SOX6: variants seen among roughly 807,000 people sequenced by gnomAD.
SOX6 encodes the protein transcription factor SOX-6.
A neutral mutation model predicts 97.8 loss-of-function variants in SOX6; 11 were observed. The ratio of observed to expected loss-of-function variants is 0.11; its 90% confidence interval spans 0.07 to 0.19. SOX6 has a LOEUF of 0.19. SOX6 is among the 10% of genes least tolerant of loss of function. The pLI is 1.00. For missense variants in SOX6, 810 were observed against 1,039.5 expected (o/e 0.78, Z 3.04); for synonymous variants, 360 against 371.4 (o/e 0.97, Z 0.35).
intron 1 of SOX6, among the ~76,000 whole-genome samples, chr11:16,471,606 C>A (rs1860143921): frequency 6.6e-6 from 1 of 152,152 alleles, no homozygotes; most frequent in South Asian, 2.1e-4. Flanking sequence ...TGTTCTTAGG[C>A]CTGACTAGAC....
intron 3 of SOX6, among the ~76,000 whole-genome samples, chr11:16,261,147 T>C (rs1229500711): frequency 6.6e-6 from 1 of 152,176 alleles, no homozygotes; most frequent in Non-Finnish European, 1.5e-5. Flanking sequence ...TAATTTACCA[T>C]CAATCTTCTC....
At chr11:16,078,279 C>T (rs552023386) in intron 9 of SOX6, among the ~76,000 whole-genome samples, 2 of 152,186 alleles carry the variant, frequency 1.3e-5, no homozygotes, top group South Asian at 4.2e-4. Context: ...AAAGCTTCAG[C>T]TCATCAGGTA....
intron 4 of SOX6, among the ~76,000 whole-genome samples, chr11:16,549,471 A>C (rs1355615991): frequency 6.6e-6 from 1 of 152,180 alleles, no homozygotes; most frequent in Admixed American, 6.5e-5. Flanking sequence ...AAGTGCTGGT[A>C]ATGGTATAGC....
At chr11:16,077,434 T>A (rs1848381813) in intron 9 of SOX6, among the ~76,000 whole-genome samples, 1 of 152,182 alleles carries the variant, frequency 6.6e-6, no homozygotes, top group South Asian at 2.1e-4. Flanking sequence ...AAAAGTACCA[T>A]TTGACCCAGC....
chr11:16,256,474 G>T (rs1853689555), intron 3 of SOX6, among the ~76,000 whole-genome samples: 1 of 151,782 alleles, frequency 6.6e-6, no homozygotes, highest in East Asian at 1.9e-4. Context: ...TATTGATCCA[G>T]AAAAACATTT....
chr11:16,549,534 C>T (rs1041461592), intron 4 of SOX6, among the ~76,000 whole-genome samples: 2 of 152,206 alleles, frequency 1.3e-5, no homozygotes, highest in Non-Finnish European at 2.9e-5. Flanking sequence ...ATTGTGGAAA[C>T]TTCTTTGGCA....
At chr11:16,024,234 C>T (rs182526234) in intron 12 of SOX6, among the ~76,000 whole-genome samples, 237 of 152,154 alleles carry the variant, frequency 1.6e-3, no homozygotes, top group African/African-American at 5.5e-3. Flanking sequence ...CCTGCTAACA[C>T]CTTGATCTTG....
chr11:16,417,935 T>C (rs1590195525), intron 1 of SOX6, among the ~76,000 whole-genome samples: 1 of 152,236 alleles, frequency 6.6e-6, no homozygotes, highest in East Asian at 1.9e-4. Flanking sequence ...TAAGCCATTT[T>C]GAAATATTTA....
At chr11:16,008,812 T>A (rs1000611432) in intron 13 of SOX6, among the ~76,000 whole-genome samples, 1 of 152,086 alleles carries the variant, frequency 6.6e-6, no homozygotes, top group African/African-American at 2.4e-5. Flanking sequence ...ATATCCACAG[T>A]AAAATACAGT....
At chr11:16,392,378 TG>T (rs1858211924) in intron 1 of SOX6, among the ~76,000 whole-genome samples, 1 of 152,160 alleles carries the variant, frequency 6.6e-6, no homozygotes. Context: ...AGAATGTATT[TG>T]TGTCTTACTT....
intron 4 of SOX6, among the ~76,000 whole-genome samples, chr11:16,527,462 G>A (rs774336399): frequency 3.9e-5 from 6 of 152,050 alleles, no homozygotes; most frequent in Non-Finnish European, 8.8e-5. Flanking sequence ...TGCTGAAGAG[G>A]GAAGGAATCT....
intron 3 of SOX6, among the ~76,000 whole-genome samples, chr11:16,261,552 C>T (rs186461607): frequency 5.7e-4 from 86 of 151,970 alleles, no homozygotes; most frequent in Admixed American, 3.8e-3. Context: ...CCCACCCACC[C>T]CACCAGGAAA....
intron 1 of SOX6, among the ~76,000 whole-genome samples, chr11:16,387,436 C>T (rs1420237561): frequency 6.6e-6 from 1 of 151,786 alleles, no homozygotes; most frequent in Non-Finnish European, 1.5e-5. Context: ...CAGCTCAAAC[C>T]ATTGAAAAAT....
chr11:16,693,485 C>CT (rs1848031168), intron 3 of SOX6, among the ~76,000 whole-genome samples: 1 of 152,012 alleles, frequency 6.6e-6, no homozygotes, highest in African/African-American at 2.4e-5. Context: ...AATTCTCTAT[C>CT]ATATCAGTTG....
At chr11:16,529,043 T>C (rs931601855) in intron 4 of SOX6, among the ~76,000 whole-genome samples, 2 of 152,100 alleles carry the variant, frequency 1.3e-5, no homozygotes, top group African/African-American at 4.8e-5. Flanking sequence ...ACATTTTTTA[T>C]CTGAGTCACA....
chr11:16,033,802 G>A (rs891385541), intron 12 of SOX6, among the ~76,000 whole-genome samples: 1 of 152,152 alleles, frequency 6.6e-6, no homozygotes, highest in Non-Finnish European at 1.5e-5. Context: ...AACCTAGGAG[G>A]TGGAGGTTGT....
At chr11:16,677,337 A>G (rs1847891527) in intron 3 of SOX6, among the ~76,000 whole-genome samples, 1 of 152,122 alleles carries the variant, frequency 6.6e-6, no homozygotes, top group African/African-American at 2.4e-5. Context: ...AGTGTTACAA[A>G]GTTATTTTAC....
At chr11:16,253,216 G>A (rs1268144430) in intron 3 of SOX6, among the ~76,000 whole-genome samples, 1 of 151,982 alleles carries the variant, frequency 6.6e-6, no homozygotes, top group African/African-American at 2.4e-5. Context: ...GGGCATGGTG[G>A]TGCATGCCTA....
At chr11:16,233,352 A>AGCAAGAGT (rs1170267121) in intron 4 of SOX6, among the ~76,000 whole-genome samples, 2 of 152,262 alleles carry the variant, frequency 1.3e-5, no homozygotes, top group Non-Finnish European at 2.9e-5. Context: ...TAAATGAATC[A>AGCAAGAGT]GCAAGAGTTT....
Sources: allele counts gnomAD v4.1 joint callset (sites outside exome capture counted in the v4.1 genomes callset), GRCh38; gene constraint gnomAD v4.1.1; transcripts MANE v1.5; gene names NCBI Gene and HGNC (gene_info 2026-07-23, HGNC 2026-07-21).